Variants in SLC60A1 observed in about 807,000 individuals in gnomAD.
SLC60A1 encodes the protein major facilitator superfamily domain containing 4.
At chr1:205,580,250 T>TC in the SLC60A1 span, among the ~76,000 whole-genome samples, 2 of 151,974 alleles carry the variant, frequency 1.3e-5, no homozygotes, top group Non-Finnish European at 2.9e-5. The surrounding 1 kb of genome is among the most constrained non-coding windows in gnomAD (Gnocchi z 5.0). Flanking sequence ...TTCGTCTTTC[T>TC]CCCCCCGGGA....
chr1:205,598,980 G>A, the SLC60A1 span: 6 of 1,037,206 alleles, frequency 5.8e-6, no homozygotes, highest in Non-Finnish European at 8.5e-6. Flanking sequence ...ACAAGGCCAA[G>A]GCCTCCCTCC....
the SLC60A1 span, among the ~76,000 whole-genome samples, chr1:205,581,255 C>T: frequency 1.3e-5 from 2 of 152,214 alleles, no homozygotes; most frequent in Admixed American, 6.5e-5. This position sits in a 1 kb window ranked among gnomAD's most constrained non-coding sequence, Gnocchi z 4.2. Context: ...GGACAGACCC[C>T]GGCAGGAAGT....
the SLC60A1 span, chr1:205,601,082 T>C: frequency 1.3e-5 from 2 of 152,262 alleles, no homozygotes; most frequent in African/African-American, 2.4e-5. Context: ...GAAAAGCTGA[T>C]TGTAAAATTT....
the SLC60A1 span, among the ~76,000 whole-genome samples, chr1:205,596,631 G>A: frequency 6.7e-6 from 1 of 150,184 alleles, no homozygotes; most frequent in African/African-American, 2.4e-5. Context: ...TCAGTGGGGA[G>A]TGAAGATGTG....
At chr1:205,583,909 G>C in the SLC60A1 span, 1 of 1,589,784 alleles carries the variant, frequency 6.3e-7, no homozygotes. Context: ...CGTGGGAAGG[G>C]GGAGCTTCAG....
chr1:205,580,038 C>CA, the SLC60A1 span: 1 of 1,371,680 alleles, frequency 7.3e-7, no homozygotes, highest in South Asian at 1.4e-5. The surrounding 1 kb of genome is among the most constrained non-coding windows in gnomAD (Gnocchi z 5.0). Flanking sequence ...CCTCCTCCCC[C>CA]AGGGGCCCAC....
the SLC60A1 span, among the ~76,000 whole-genome samples, chr1:205,571,353 A>C: frequency 6.6e-6 from 1 of 152,232 alleles, no homozygotes; most frequent in Non-Finnish European, 1.5e-5. Flanking sequence ...GTGAGTCATC[A>C]GTGTAAACTC....
At chr1:205,600,122 G>A in the SLC60A1 span, 4 of 335,302 alleles carry the variant, frequency 1.2e-5, no homozygotes, top group African/African-American at 8.4e-5. Context: ...TTTCATTTAA[G>A]ACCTACATTC....
chr1:205,569,328 C>T, the SLC60A1 span: 7 of 1,436,878 alleles, frequency 4.9e-6, no homozygotes, highest in Non-Finnish European at 6.4e-6. Context: ...CGCCCCCGCC[C>T]CGCGGCCCCC....
chr1:205,583,052 G>A, the SLC60A1 span, among the ~76,000 whole-genome samples: 1 of 152,158 alleles, frequency 6.6e-6, no homozygotes, highest in South Asian at 2.1e-4. Context: ...TGGGCTTCCT[G>A]TCTTTCCTAA....
the SLC60A1 span, among the ~76,000 whole-genome samples, chr1:205,569,538 G>A: frequency 4.2e-5 from 6 of 142,362 alleles, no homozygotes; most frequent in Admixed American, 4.5e-4. Flanking sequence ...GACTGAAGGT[G>A]ACTTCTGGCT....
At chr1:205,578,956 A>C in the SLC60A1 span, among the ~76,000 whole-genome samples, 1 of 152,152 alleles carries the variant, frequency 6.6e-6, no homozygotes, top group Non-Finnish European at 1.5e-5. Flanking sequence ...GAGTGTCCCA[A>C]AAAAGACCTT....
the SLC60A1 span, chr1:205,598,723 G>A: frequency 6.0e-6 from 1 of 166,734 alleles, no homozygotes. Context: ...TGGGTTCATT[G>A]GAGCTCCATA....
the SLC60A1 span, among the ~76,000 whole-genome samples, chr1:205,596,991 A>G: frequency 6.6e-6 from 1 of 152,200 alleles, no homozygotes; most frequent in Non-Finnish European, 1.5e-5. Context: ...TTGGAACCCA[A>G]GTCTGACTCT....
the SLC60A1 span, chr1:205,584,795 C>T: frequency 1.5e-6 from 2 of 1,316,712 alleles, no homozygotes; most frequent in Non-Finnish European, 2.2e-6. Context: ...GCTCTTCTGA[C>T]TGCCAGCCAC....
chr1:205,588,380 G>T, the SLC60A1 span, among the ~76,000 whole-genome samples: 1 of 141,568 alleles, frequency 7.1e-6, no homozygotes, highest in Non-Finnish European at 1.5e-5. Flanking sequence ...TGAGGCAGGA[G>T]AATCACTTGA....
the SLC60A1 span, chr1:205,600,621 G>A: frequency 1.6e-6 from 1 of 634,836 alleles, no homozygotes; most frequent in Non-Finnish European, 2.8e-6. Context: ...ATTGAGTCCT[G>A]GTACCTGGTC....
the SLC60A1 span, among the ~76,000 whole-genome samples, chr1:205,591,504 G>GAAAA: frequency 2.4e-4 from 17 of 71,766 alleles, no homozygotes; most frequent in Non-Finnish European, 4.3e-4. Flanking sequence ...AAAAAAAAAG[G>GAAAA]AAAGAAAAGA....
the SLC60A1 span, among the ~76,000 whole-genome samples, chr1:205,571,180 T>G: frequency 6.6e-6 from 1 of 152,238 alleles, no homozygotes; most frequent in Non-Finnish European, 1.5e-5. Context: ...ACAACCACCT[T>G]GCGAAGTAGT....
Sources: allele counts gnomAD v4.1 joint callset (sites outside exome capture counted in the v4.1 genomes callset), GRCh38; gene constraint gnomAD v4.1.1; non-coding constraint Gnocchi (gnomAD v3.1); transcripts MANE v1.5; gene names NCBI Gene and HGNC (gene_info 2026-07-23, HGNC 2026-07-21).